MEF2A: variants seen among roughly 807,000 people sequenced by gnomAD.
The protein encoded by MEF2A is myocyte-specific enhancer factor 2A.
A neutral mutation model predicts 55.8 loss-of-function variants in MEF2A; 28 were observed. The ratio of observed to expected loss-of-function variants is 0.50; its 90% confidence interval spans 0.37 to 0.69. The LOEUF is 0.69. MEF2A is among the 30% of genes least tolerant of loss of function. The pLI is 0.00. For missense variants in MEF2A, 528 were observed against 626.2 expected (o/e 0.84, Z 1.67); for synonymous variants, 239 against 227.1 (o/e 1.05, Z -0.47).
At chr15:99,675,214 T>C (rs2051719340) in intron 6 of MEF2A, among the ~76,000 whole-genome samples, 185 bp from the exon 7 acceptor site, 1 of 152,194 alleles carries the variant, frequency 6.6e-6, no homozygotes, top group South Asian at 2.1e-4. Flanking sequence ...AACTCATATA[T>C]ATGAGATATA....
At chr15:99,689,843 A>G (rs1198381896) in intron 7 of MEF2A, among the ~76,000 whole-genome samples, 1 of 152,220 alleles carries the variant, frequency 6.6e-6, no homozygotes, top group African/African-American at 2.4e-5. Flanking sequence ...TACAAGTATC[A>G]TTAGTCTTAA....
At chr15:99,691,700 G>GAA (rs911880123) in intron 8 of MEF2A, among the ~76,000 whole-genome samples, 70 of 145,704 alleles carry the variant, frequency 4.8e-4, no homozygotes, top group African/African-American at 1.7e-3. Flanking sequence ...TCTGTCTCAA[G>GAA]AAAAAAAAAA....
chr15:99,678,655 T>C (rs2052589097), intron 7 of MEF2A: 4 of 985,086 alleles, frequency 4.1e-6, no homozygotes, highest in Non-Finnish European at 4.8e-6. Context: ...CAGGCCCATG[T>C]ACTGCTAAAA....
chr15:99,670,366 T>C (rs955477780), intron 4 of MEF2A, among the ~76,000 whole-genome samples: 2 of 152,176 alleles, frequency 1.3e-5, no homozygotes, highest in African/African-American at 4.8e-5. Flanking sequence ...CCCAGCACTT[T>C]GGGAGGCTGA....
chr15:99,705,738 A>C (rs1335805935), intron 9 of MEF2A, among the ~76,000 whole-genome samples: 1 of 152,228 alleles, frequency 6.6e-6, no homozygotes, highest in African/African-American at 2.4e-5. Context: ...ATCACATTCT[A>C]ACTCTTCATA....
intron 11 of MEF2A, 43 bp downstream of exon 11, chr15:99,710,803 A>G: frequency 6.3e-7 from 1 of 1,578,550 alleles, no homozygotes; most frequent in Non-Finnish European, 8.7e-7. Context: ...CTCCTGGCCT[A>G]CACACTCTCT....
intron 2 of MEF2A, among the ~76,000 whole-genome samples, chr15:99,626,400 C>T (rs145831811): frequency 1.3e-5 from 2 of 151,794 alleles, no homozygotes; most frequent in African/African-American, 2.4e-5. Context: ...TTTTGTTAAT[C>T]GTTTTGAAGA....
At chr15:99,648,082 A>T (rs774582608) in intron 4 of MEF2A, among the ~76,000 whole-genome samples, 2 of 152,206 alleles carry the variant, frequency 1.3e-5, no homozygotes, top group Non-Finnish European at 2.9e-5. Context: ...AATTAAATTT[A>T]CAGGATAACA....
chr15:99,692,265 A>G (rs893982986), intron 8 of MEF2A, among the ~76,000 whole-genome samples: 10 of 152,356 alleles, frequency 6.6e-5, no homozygotes, highest in Middle Eastern at 3.4e-3. Context: ...CTTGTCCAAG[A>G]TAGTTCAAAA....
chr15:99,678,725 T>G, intron 7 of MEF2A: 2 of 962,418 alleles, frequency 2.1e-6, no homozygotes, highest in Non-Finnish European at 2.5e-6. Context: ...CAAAGACTTC[T>G]TAAATAAGAA....
chr15:99,590,883 T>G (rs549622892), intron 1 of MEF2A, among the ~76,000 whole-genome samples: 1 of 152,322 alleles, frequency 6.6e-6, no homozygotes, highest in Admixed American at 6.5e-5. Context: ...AAATGTCTTA[T>G]AATTTGTCAC....
intron 3 of MEF2A, among the ~76,000 whole-genome samples, chr15:99,639,971 C>T (rs569905834): frequency 6.6e-6 from 1 of 152,088 alleles, no homozygotes; most frequent in African/African-American, 2.4e-5. Context: ...TACCAAAACA[C>T]TTTGTAAACA....
intron 1 of MEF2A, among the ~76,000 whole-genome samples, chr15:99,591,059 C>G (rs930239127): frequency 6.6e-6 from 1 of 152,122 alleles, no homozygotes; most frequent in African/African-American, 2.4e-5. Flanking sequence ...CAGGTTCCCT[C>G]TTGTATTGGT....
At position 99,633,124 on chromosome 15, in the gene MEF2A, G is replaced by T; in HGVS notation, c.5G>T (p.Gly2Val). 1 of 1,598,744 alleles carries T rather than the reference G, an allele frequency of 6.3e-7. No homozygotes were observed. The highest frequency in any genetic ancestry group is 8.5e-7 in the Non-Finnish European group (1 of 1,173,462). The part of the protein sequence containing the change: M[G>V]RKKIQITRIM... ...AATAAGGAAAGTTGACTGAAAATGG[G>T]GCGGAAGAAAATACAAATCACACGC... The change falls in exon 3 of 12, where the codon GGG (glycine) becomes GTG (valine). Residue 2 changes from glycine (G) to valine (V), a missense_variant. Coordinates refer to ENST00000557942, the MANE Select transcript of MEF2A (RefSeq NM_001319206.4).
Position 99,712,581 on chromosome 15 carries a change from A to G in MEF2A, c.1328A>G (p.Gln443Arg), listed in dbSNP as rs1286041381. 1 of 1,546,976 alleles carries G rather than the reference A, an allele frequency of 6.5e-7. No homozygotes were observed. ...PQPQPQPPQPQPRQEMGRSPV... is the reference protein window; with the variant it reads ...PQPQPQPPQPRPRQEMGRSPV... ...CCCCAGCCACAACCCCCGCAGCCCC[A>G]GCCCCGACAGGAAATGGGGCGCTCC... Residue 443 changes from glutamine to arginine, a missense_variant, in exon 12 of 12, where the codon CAG becomes CGG. By Grantham distance (43) the Gln-to-Arg change is conservative. Transcript: ENST00000557942. This position sits in a 1 kb window ranked among gnomAD's most constrained non-coding sequence, Gnocchi z 4.1.
chr15:99,706,875 T>G lies in MEF2A; in HGVS notation c.1009+20T>G, dbSNP rs770920367. ...ACACTGGTGAGCCTGCTCTGGTGCC[T>G]TCCGTAGGTTTTACCGCTCTCTGTT... On this transcript the variant is annotated intron_variant, in intron 10 of 11. Coordinates refer to ENST00000557942, the MANE Select transcript of MEF2A (RefSeq NM_001319206.4). 5.0e-6 allele frequency: 8 copies of G among 1,609,380 alleles called. No homozygotes were observed. In the South Asian group the frequency reaches 8.8e-5, roughly 18 times the overall value.
chr15:99,609,201 A>G (rs1202784387), intron 2 of MEF2A, among the ~76,000 whole-genome samples: 1 of 152,206 alleles, frequency 6.6e-6, no homozygotes, highest in African/African-American at 2.4e-5. Flanking sequence ...TTTGGGTCAT[A>G]GTGATTTCTT....
chr15:99,697,581 GAA>G (rs2056690224), intron 8 of MEF2A, among the ~76,000 whole-genome samples: 2 of 152,006 alleles, frequency 1.3e-5, no homozygotes, highest in African/African-American at 4.8e-5. Flanking sequence ...AGAAATGAAA[GAA>G]GACCTAGATG....
chr15:99,580,773 A>G (rs1444823631), intron 1 of MEF2A, among the ~76,000 whole-genome samples: 1 of 152,224 alleles, frequency 6.6e-6, no homozygotes, highest in African/African-American at 2.4e-5. Context: ...GTTTTCTGAA[A>G]AGGTAACTTC....
Sources: gnomAD v4.1 joint callset for allele counts (sites outside exome capture counted in the v4.1 genomes callset) on GRCh38, gnomAD v4.1.1 for gene constraint, Gnocchi (gnomAD v3.1) non-coding constraint, MANE v1.5 for transcripts, NCBI Gene and HGNC (gene_info 2026-07-23, HGNC 2026-07-21) for gene names.